Variants in DOCK6 observed in about 807,000 individuals in gnomAD.
DOCK6 encodes dedicator of cytokinesis protein 6.
A neutral mutation model predicts 230.3 loss-of-function variants in DOCK6; 167 were observed. The ratio of observed to expected loss-of-function variants is 0.73; its 90% CI spans 0.64 to 0.82. The LOEUF is 0.82. Among genes scored for constraint, DOCK6 ranks in the 40% least tolerant of loss-of-function variants. DOCK6 has a pLI of 0.00. For synonymous variants in DOCK6, 1,148 were observed against 1,185.0 expected (o/e 0.97, Z 0.64); for missense variants, 2,598 against 2,825.8 (o/e 0.92, Z 1.83).
At position 11,204,186 on chromosome 19, in the gene DOCK6, G is replaced by T; in HGVS notation, c.5220+14C>A. The T allele has an allele frequency of 6.5e-7, 1 of 1,549,856 alleles. No individual in the cohort carries two copies. Among genetic ancestry groups the T allele is most frequent in the Non-Finnish European group, 8.7e-7 (1 of 1,145,566 alleles). ...GGCTGAGGGTGGGGTCTGGGGAGGGGGTCCTGGGCCCACCTGGTGCATGAT... is the reference window on the plus strand; with the variant it reads ...GGCTGAGGGTGGGGTCTGGGGAGGGTGTCCTGGGCCCACCTGGTGCATGAT... On this transcript the variant is annotated intron_variant, in intron 40 of 47. Transcript: ENST00000294618.
intron 37 of DOCK6, among the ~76,000 whole-genome samples, 181 bp downstream of exon 37, chr19:11,211,595 A>C (rs12162283): frequency 1.3e-3 from 24 of 18,966 alleles, no homozygotes; most frequent in Admixed American, 6.9e-3. Context: ...CTGTCTGCTC[A>C]CCTGTCCCCC....
At chr19:11,233,957 C>G (rs1384410777) in intron 21 of DOCK6, among the ~76,000 whole-genome samples, 1 of 151,950 alleles carries the variant, frequency 6.6e-6, no homozygotes, top group Non-Finnish European at 1.5e-5. Context: ...GCCTCAGCCT[C>G]CTGAGTAGCT....
At chr19:11,229,744 C>T (rs201890280) in intron 22 of DOCK6, among the ~76,000 whole-genome samples, 2 of 151,644 alleles carry the variant, frequency 1.3e-5, no homozygotes, top group Non-Finnish European at 1.5e-5. Flanking sequence ...TGAGGCTGGG[C>T]GGGGTGGCTC....
Position 11,204,231 on chromosome 19 carries a change from A to C in DOCK6, c.5189T>G (p.Leu1730Arg), listed in dbSNP as rs1473350006. The C allele has an allele frequency of 6.4e-7, 1 of 1,573,270 alleles. No homozygotes were observed. Among genetic ancestry groups the C allele is most frequent in the Admixed American group, 1.8e-5 (1 of 54,728 alleles). The change falls in exon 40 of 48, where the codon CTG becomes CGG. Residue 1730 changes from leucine to arginine, a missense_variant. Physicochemically the swap from Leu to Arg is moderately radical, Grantham distance 102. Transcript: ENST00000294618. ...CATGATCTTGGTGAAGGCCTCCTGC[A>C]GTTTGCCGTGCACCGCGGCCAGCTT... ...YKKLAAVHGKLQEAFTKIMHQ... is the reference protein window; with the variant it reads ...YKKLAAVHGKRQEAFTKIMHQ...
Position 11,222,966 on chromosome 19 carries a change from G to A in DOCK6, c.3069+27C>T, listed in dbSNP as rs751564224. 2 of 1,613,596 alleles carry A rather than the reference G, an allele frequency of 1.2e-6. No homozygotes were observed. The highest frequency in any genetic ancestry group is 1.1e-5 in the South Asian group (1 of 91,062). On this transcript the variant is annotated intron_variant, in intron 25 of 47. Coordinates refer to ENST00000294618, the MANE Select transcript of DOCK6 (RefSeq NM_020812.4). This position sits in a 1 kb window ranked among gnomAD's most constrained non-coding sequence, Gnocchi z 4.0. ...TTGCTCCGCCTTCCATCCATGCCATGCCCACCCTGCCCACGCCCACTCCTA... is the reference window on the plus strand; with the variant it reads ...TTGCTCCGCCTTCCATCCATGCCATACCCACCCTGCCCACGCCCACTCCTA...
At chr19:11,229,395 G>T (rs1329552869) in intron 22 of DOCK6, 1 of 1,065,922 alleles carries the variant, frequency 9.4e-7, no homozygotes, top group African/African-American at 1.7e-5. Flanking sequence ...GATGGCCTAT[G>T]ATGGGATGTG....
At chr19:11,258,424 TTC>T (rs574257638) in intron 1 of DOCK6, among the ~76,000 whole-genome samples, 10 of 151,764 alleles carry the variant, frequency 6.6e-5, no homozygotes, top group South Asian at 2.1e-4. Flanking sequence ...GCACTTTTCT[TTC>T]TCTCTCTCTC....
chr19:11,213,061 C>T, intron 35 of DOCK6, 115 bp downstream of exon 35: 12 of 1,374,794 alleles, frequency 8.7e-6, no homozygotes, highest in Non-Finnish European at 1.2e-5. Flanking sequence ...AGCCCTCCTC[C>T]TGCTCATTAT....
In DOCK6 at chr19:11,225,268, G is replaced by C. The variant is rs187311832; in HGVS notation, c.2955+2069C>G. Among the ~76,000 whole-genome samples the C allele has an allele frequency of 1.7e-4, 26 of 152,278 alleles. No individual in the cohort carries two copies. The East Asian group carries it at 3.1e-3, about 18-fold the overall frequency. ...TTATCACAGGCATTGTTCTTCTCTG[G>C]ATCTCTTTCTTGGGGTAGTTTCCTC... On this transcript the variant is annotated intron_variant, in intron 24 of 47. Coordinates refer to ENST00000294618, the MANE Select transcript of DOCK6 (RefSeq NM_020812.4).
rs376470550 is a variant in DOCK6, at chr19:11,236,410, G to C, written c.2328C>G (p.Ser776=). 4.4e-6 allele frequency: 7 copies of C among 1,588,714 alleles called. No individual in the cohort carries two copies. In the East Asian group the frequency reaches 6.9e-5, roughly 16 times the overall value. Residue 776 remains serine (S), a synonymous_variant, in exon 20 of 48, where the codon TCC becomes TCG. Coordinates refer to ENST00000294618, the MANE Select transcript of DOCK6 (RefSeq NM_020812.4). This position sits in a 1 kb window ranked among gnomAD's most constrained non-coding sequence, Gnocchi z 5.2. The part of the protein sequence containing the change: ...LASPEPLVAF[S]HHVLDKLVRL... ...GCACGAGCTTGTCCAGCACGTGGTG[G>C]GAGAAGGCCACAAGGGGTTCGGGGC...
chr19:11,213,656 C>T lies in DOCK6; in HGVS notation c.4339-328G>A, dbSNP rs150034724. Among the ~76,000 whole-genome samples, 650 of 151,136 alleles carry T rather than the reference C, an allele frequency of 4.3e-3. 10 individuals carry two copies. The highest frequency in any genetic ancestry group is 0.015 in the African/African-American group (622 of 41,154). ...GAGACGGAGTTTTGCTCTTGTCTCCCAGGCTGGAGTGCAGTGGCACAATCA... is the reference window on the plus strand; with the variant it reads ...GAGACGGAGTTTTGCTCTTGTCTCCTAGGCTGGAGTGCAGTGGCACAATCA... On this transcript the variant is annotated intron_variant, in intron 34 of 47. Coordinates refer to ENST00000294618, the MANE Select transcript of DOCK6 (RefSeq NM_020812.4).
At chr19:11,212,691 T>C (rs1267287185) in intron 35 of DOCK6, among the ~76,000 whole-genome samples, 10 of 151,184 alleles carry the variant, frequency 6.6e-5, no homozygotes, top group African/African-American at 2.4e-4. Flanking sequence ...GCCTTCCAAG[T>C]AGCTGGGATT....
chr19:11,241,701 G>T, intron 14 of DOCK6: 1 of 1,580,608 alleles, frequency 6.3e-7, no homozygotes, highest in Non-Finnish European at 8.6e-7. Flanking sequence ...TGCCTGGATG[G>T]AACTGAGGAC....
At chr19:11,234,979 G>A (rs2079823802) in intron 21 of DOCK6, among the ~76,000 whole-genome samples, 1 of 151,058 alleles carries the variant, frequency 6.6e-6, no homozygotes, top group Admixed American at 6.6e-5. Flanking sequence ...GTCTTGCTCT[G>A]TTGCCCAGAC....
At position 11,208,830 on chromosome 19, in the gene DOCK6, C is replaced by T. The variant is rs1420315115; in HGVS notation, c.4945-1G>A. On this transcript the variant is annotated splice_acceptor_variant, in intron 38 of 47. Transcript: ENST00000294618. LOFTEE classifies it high-confidence loss of function. ...CCTCTAGCACGTTGGATGAGATGTTCTGGGGTGGGAGAGGTGGCGTCAGAC... is the reference window on the plus strand; with the variant it reads ...CCTCTAGCACGTTGGATGAGATGTTTTGGGGTGGGAGAGGTGGCGTCAGAC... 1 of 1,611,720 alleles carries T rather than the reference C, an allele frequency of 6.2e-7. No individual in the cohort carries two copies. Among genetic ancestry groups the T allele is most frequent in the South Asian group, 1.1e-5 (1 of 91,066 alleles).
At chr19:11,223,245 G>A (rs1461378601) in intron 24 of DOCK6, 139 bp from the exon 25 acceptor site, 10 of 752,342 alleles carry the variant, frequency 1.3e-5, no homozygotes, top group Non-Finnish European at 1.7e-5. Context: ...TGGTGACTCT[G>A]GGACTTCCTG....
chr19:11,235,794 C>T, intron 20 of DOCK6, 35 bp from the exon 21 acceptor site: 2 of 1,552,556 alleles, frequency 1.3e-6, no homozygotes, highest in Non-Finnish European at 1.7e-6. Context: ...TTCCAGGGCC[C>T]AAGGCCTCTC....
chr19:11,199,359 CA>C lies in DOCK6; in HGVS notation c.*137del, dbSNP rs774130943. 40 of 1,045,216 alleles carry C rather than the reference CA, an allele frequency of 3.8e-5. 1 individual carries two copies. In the African/African-American group the frequency reaches 6.1e-4, roughly 16 times the overall value. The allele number at this position is 1,045,216 out of a possible 1,614,324, so 64.7% of individuals were successfully genotyped here. On this transcript the variant is annotated 3_prime_UTR_variant, in exon 48 of 48. Transcript: ENST00000294618. ...GCATCAGTGCACACAGATGGGGACA[CA>C]GGGGCAGAGGGCCCAGCCCCAAGTA...
At chr19:11,225,550 G>A (rs2147792857) in intron 24 of DOCK6, among the ~76,000 whole-genome samples, 1 of 151,998 alleles carries the variant, frequency 6.6e-6, no homozygotes, top group African/African-American at 2.4e-5. Context: ...AAAATAGGTG[G>A]GTATGGTAGC....
Sources: allele counts gnomAD v4.1 joint callset (sites outside exome capture counted in the v4.1 genomes callset), GRCh38; gene constraint gnomAD v4.1.1; non-coding constraint Gnocchi (gnomAD v3.1); transcripts MANE v1.5; gene names NCBI Gene and HGNC (gene_info 2026-07-23, HGNC 2026-07-21).